LUC7L: variants seen among roughly 807,000 people sequenced by gnomAD.
LUC7L encodes the protein putative RNA-binding protein Luc7-like 1.
LUC7L carries 29 observed loss-of-function variants against 51.1 expected under a neutral mutation model. The ratio of observed to expected loss-of-function variants is 0.57; its 90% CI spans 0.42 to 0.77. The LOEUF is 0.77. Ranked by LOEUF, LUC7L falls within the 30% of genes least tolerant of loss-of-function variation. The pLI, the probability that LUC7L is intolerant of heterozygous loss-of-function variation, is 0.00. For missense variants in LUC7L, 403 were observed against 511.9 expected, an observed-to-expected ratio of 0.79 and a Z score of 2.05; for synonymous variants, 181 against 180.7, an observed-to-expected ratio of 1.00 and a Z score of -0.01.
rs374470414 is a variant in LUC7L at position 190,394 on chromosome 16, C to G, written c.806+147G>C. 754 of 879,920 alleles carry G rather than the reference C, an allele frequency of 8.6e-4. 2 individuals are homozygous for G. The African/African-American group carries it at 0.011, about 13-fold the overall frequency. 54.5% of individuals were successfully genotyped at this position (879,920 alleles called of 1,614,324 possible). A position where few individuals can be genotyped will look rare whatever the true frequency, so the allele number is the denominator to read the frequency against. Reference sequence around the variant, plus strand: ...TCTCATTAACACTGGGAACCCTCCACGGCACCAAGCAACCTCTTGCCCTGT... The same window carrying G: ...TCTCATTAACACTGGGAACCCTCCAGGGCACCAAGCAACCTCTTGCCCTGT... On this transcript the variant is annotated intron_variant, in intron 8 of 9. Coordinates refer to ENST00000293872, the MANE Select transcript of LUC7L (RefSeq NM_201412.3).
At chr16:222,310 G>T (rs922093198) in intron 2 of LUC7L, among the ~76,000 whole-genome samples, 1 of 118,334 alleles carries the variant, frequency 8.5e-6, no homozygotes, top group Non-Finnish European at 1.7e-5. Flanking sequence ...TAGGACAAAA[G>T]AACATGTCTA....
intron 1 of LUC7L, chr16:227,825 CTG>C: frequency 1.0e-6 from 1 of 1,000,552 alleles, no homozygotes; most frequent in African/African-American, 1.7e-5. Context: ...CTATCGAAGA[CTG>C]TTAAATAATC....
At position 206,051 on chromosome 16, in the gene LUC7L, T is replaced by A. The variant is rs774973234; in HGVS notation, c.463A>T (p.Ile155Phe). 1 of 1,613,752 alleles carries A rather than the reference T, an allele frequency of 6.2e-7. No individual in the cohort carries two copies. The highest frequency in any genetic ancestry group is 1.7e-5 in the Admixed American group (1 of 59,890). Residue 155 changes from isoleucine to phenylalanine, a missense_variant, in exon 5 of 10, where the codon ATT (isoleucine) becomes TTT (phenylalanine). Physicochemically the swap from Ile to Phe is conservative, Grantham distance 21. Transcript: ENST00000293872. The part of the protein sequence containing the change: ...AEGNVDESQK[I>F]LMEVEKVRAK... Reference sequence around the variant, plus strand: ...CGAACTTTTTCCACTTCCATAAGAATCTTCTGGGATTCATCCACATTACCT... The same window carrying A: ...CGAACTTTTTCCACTTCCATAAGAAACTTCTGGGATTCATCCACATTACCT...
intron 3 of LUC7L, among the ~76,000 whole-genome samples, chr16:213,264 A>AT (rs2049696149): frequency 6.6e-6 from 1 of 152,172 alleles, no homozygotes; most frequent in Admixed American, 6.6e-5. Flanking sequence ...GCAGCCAATG[A>AT]TGAGGACAGG....
At chr16:205,461 G>A (rs1027951351) in intron 5 of LUC7L, among the ~76,000 whole-genome samples, 1 of 152,166 alleles carries the variant, frequency 6.6e-6, no homozygotes, top group Non-Finnish European at 1.5e-5. Flanking sequence ...ATAATGACAA[G>A]TCAACGTAGA....
intron 3 of LUC7L, among the ~76,000 whole-genome samples, chr16:212,002 G>C (rs2049654474): frequency 6.6e-6 from 1 of 152,116 alleles, no homozygotes; most frequent in African/African-American, 2.4e-5. Context: ...CCTCCAAAGA[G>C]CCGCAGAGGG....
chr16:227,601 G>A (rs770825949), intron 1 of LUC7L: 8 of 1,273,234 alleles, frequency 6.3e-6, no homozygotes, highest in Non-Finnish European at 8.0e-6. Flanking sequence ...GACGTAAACA[G>A]CTGAGCACCA....
intron 9 of LUC7L, chr16:189,601 C>A (rs955286510): frequency 3.5e-5 from 47 of 1,351,168 alleles, no homozygotes; most frequent in Non-Finnish European, 4.2e-5. Context: ...ACACTATATG[C>A]ACAGAACATG....
intron 6 of LUC7L, among the ~76,000 whole-genome samples, chr16:196,141 C>A (rs572200721): frequency 6.6e-6 from 1 of 151,922 alleles, no homozygotes; most frequent in African/African-American, 2.4e-5. Flanking sequence ...AGCACTGTGG[C>A]CCACGCCTGT....
intron 1 of LUC7L, chr16:229,022 G>A (rs561550968): frequency 2.1e-6 from 3 of 1,453,252 alleles, no homozygotes; most frequent in African/African-American, 2.8e-5. Flanking sequence ...GAAGTAGCAG[G>A]ACGGTACATA....
Position 213,720 on chromosome 16 carries a change from T to A in LUC7L, c.256-5532A>T, listed in dbSNP as rs536582583. Among the ~76,000 whole-genome samples the A allele has an allele frequency of 2.6e-5, 4 of 151,706 alleles. No individual in the cohort carries two copies. The South Asian group carries it at 8.4e-4, about 32-fold the overall frequency. On this transcript the variant is annotated intron_variant, in intron 3 of 9. Transcript: ENST00000293872. ...GCACCCGGCAGAAATCTTTTTTCTT[T>A]TTTTCTTTATTTGAGACCAAGTCTC...
chr16:215,021 G>A (rs1000991702), intron 3 of LUC7L, among the ~76,000 whole-genome samples: 2 of 152,110 alleles, frequency 1.3e-5, no homozygotes, highest in African/African-American at 2.4e-5. Flanking sequence ...CGTGAGCTAT[G>A]AGCACGCCAC....
At chr16:214,196 T>G (rs1467794716) in intron 3 of LUC7L, among the ~76,000 whole-genome samples, 1 of 152,078 alleles carries the variant, frequency 6.6e-6, no homozygotes, top group East Asian at 1.9e-4. Flanking sequence ...GCTTCCTGAG[T>G]AGCTGGGATT....
At chr16:189,504 TTAGA>T (rs1294929264) in intron 9 of LUC7L, 165 bp from the exon 10 acceptor site, 21 of 1,404,066 alleles carry the variant, frequency 1.5e-5, no homozygotes, top group South Asian at 5.1e-5. Context: ...ATATGGAGTG[TTAGA>T]TAGCCATTAA....
At position 229,120 on chromosome 16, in the gene LUC7L, T is replaced by A. The variant is rs966144355; in HGVS notation, c.61+159A>T. The A allele has an allele frequency of 8.7e-5, 122 of 1,408,846 alleles. 1 individual carries two copies. Among genetic ancestry groups the A allele is most frequent in the Non-Finnish European group, 1.0e-4 (113 of 1,092,558 alleles). The allele number at this position is 1,408,846 out of a possible 1,614,324, so 87.3% of individuals were successfully genotyped here. The stretch of plus-strand genomic sequence containing the variant: ...CGGCCGCCTCAGAGACGCACCGGCT[T>A]AGACAAAGGCCCGGCGCCTGCGGTC... On this transcript the variant is annotated intron_variant, in intron 1 of 9. Coordinates refer to ENST00000293872, the MANE Select transcript of LUC7L (RefSeq NM_201412.3).
intron 2 of LUC7L, among the ~76,000 whole-genome samples, chr16:223,995 T>A (rs897417249): frequency 3.3e-5 from 5 of 151,950 alleles, no homozygotes; most frequent in Admixed American, 1.3e-4. Flanking sequence ...CTCTTCTAAG[T>A]TGTGGGTGTT....
Position 217,718 on chromosome 16 carries a change from AAAAT to A in LUC7L, c.255+2927_255+2930del, listed in dbSNP as rs1458464273. Among the ~76,000 whole-genome samples, 4 of 127,596 alleles carry A rather than the reference AAAAT, an allele frequency of 3.1e-5. No individual in the cohort carries two copies. In the East Asian group the frequency reaches 8.8e-4, roughly 28 times the overall value. The allele number at this position is 127,596 out of a possible 152,430, so 83.7% of individuals were successfully genotyped here. Reference sequence around the variant, plus strand: ...GTGAGACTCTGTTTCAAAAAAAAAAAAAATTTTTTTTTTAAATAAATAAACAGAA... The same window carrying A: ...GTGAGACTCTGTTTCAAAAAAAAAAATTTTTTTTTAAATAAATAAACAGAA... On this transcript the variant is annotated intron_variant, in intron 3 of 9. Transcript: ENST00000293872.
intron 5 of LUC7L, among the ~76,000 whole-genome samples, chr16:203,913 G>A (rs983008939): frequency 2.0e-5 from 3 of 151,798 alleles, no homozygotes; most frequent in Non-Finnish European, 2.9e-5. Context: ...CTACTCGGGA[G>A]GCTGAGGCAG....
At chr16:195,769 T>C (rs1175085476) in intron 6 of LUC7L, among the ~76,000 whole-genome samples, 1 of 152,078 alleles carries the variant, frequency 6.6e-6, no homozygotes, top group African/African-American at 2.4e-5. Context: ...CCAGGTGCAG[T>C]GGCTCATGTG....
Sources: gnomAD v4.1 joint callset for allele counts (sites outside exome capture counted in the v4.1 genomes callset) on GRCh38, gnomAD v4.1.1 for gene constraint, MANE v1.5 for transcripts, NCBI Gene and HGNC (gene_info 2026-07-23, HGNC 2026-07-21) for gene names.